PDZRN4: variants seen among roughly 807,000 people sequenced by gnomAD.
PDZRN4 encodes PDZ domain containing ring finger 4.
PDZRN4 carries 70 observed loss-of-function variants against 99.0 expected under a neutral mutation model. That is an observed-to-expected ratio of 0.71 (90% confidence interval 0.58 to 0.86). The LOEUF (loss-of-function observed/expected upper bound fraction) is 0.86, where lower values mean the gene tolerates loss of function less well. PDZRN4 is among the 40% of genes least tolerant of loss of function. The pLI, the probability that PDZRN4 is intolerant of heterozygous loss-of-function variation, is 0.00. For synonymous variants in PDZRN4, 551 were observed against 501.6 expected, an observed-to-expected ratio of 1.10 and a Z score of -1.32; for missense variants, 1,474 against 1,331.2, an observed-to-expected ratio of 1.11 and a Z score of -1.67.
In PDZRN4 at chr12:41,573,077, C is replaced by A; in HGVS notation, c.2298C>A (p.Leu766=). Residue 766 remains leucine (L), a synonymous_variant, in exon 10 of 10, where the codon CTC becomes CTA. Transcript: ENST00000402685. ...PDSSLPRVIN[L]TNKKNLRSTM... ...GTTCCCTTCCAAGGGTGATCAACCTCACCAATAAGAAAAACCTGAGAAGCA... is the reference window on the plus strand; with the variant it reads ...GTTCCCTTCCAAGGGTGATCAACCTAACCAATAAGAAAAACCTGAGAAGCA... 6.2e-7 allele frequency: 1 copy of A among 1,614,104 alleles called. No homozygotes were observed. Among genetic ancestry groups the A allele is most frequent in the Non-Finnish European group, 8.5e-7 (1 of 1,180,002 alleles).
intron 3 of PDZRN4, among the ~76,000 whole-genome samples, chr12:41,311,185 T>A (rs1847736484): frequency 1.3e-5 from 2 of 152,154 alleles, no homozygotes; most frequent in Non-Finnish European, 2.9e-5. Context: ...TTATATAGAT[T>A]CATTTGGTTT....
At chr12:41,557,148 C>CAA (rs112787721) in intron 7 of PDZRN4, among the ~76,000 whole-genome samples, 730 of 57,672 alleles carry the variant, frequency 0.013, 21 homozygotes, top group South Asian at 0.025. Context: ...GAGACACTCT[C>CAA]AAAAAAAAAA....
intron 3 of PDZRN4, among the ~76,000 whole-genome samples, chr12:41,407,725 C>A (rs61924134): frequency 3.6e-3 from 389 of 109,004 alleles, no homozygotes; most frequent in South Asian, 8.7e-3. Flanking sequence ...AAAAAAAAAA[C>A]AAATGGCATA....
chr12:41,230,547 G>T (rs1194593740), intron 3 of PDZRN4, among the ~76,000 whole-genome samples: 1 of 152,036 alleles, frequency 6.6e-6, no homozygotes, highest in Non-Finnish European at 1.5e-5. Flanking sequence ...GTATCCCAAA[G>T]AATTTATCAT....
intron 3 of PDZRN4, among the ~76,000 whole-genome samples, chr12:41,344,081 T>C (rs1951836289): frequency 6.6e-6 from 1 of 152,106 alleles, no homozygotes; most frequent in African/African-American, 2.4e-5. Context: ...TCTTTCTTCA[T>C]GTTAAAGCAG....
chr12:41,330,047 C>T (rs146060992), intron 3 of PDZRN4, among the ~76,000 whole-genome samples: 5 of 152,180 alleles, frequency 3.3e-5, no homozygotes, highest in South Asian at 2.1e-4. Flanking sequence ...AAGAGAAAAG[C>T]TAAATCATTT....
At chr12:41,452,260 T>G (rs1952780995) in intron 3 of PDZRN4, among the ~76,000 whole-genome samples, 1 of 140,736 alleles carries the variant, frequency 7.1e-6, no homozygotes, top group Admixed American at 7.2e-5. Flanking sequence ...AAACCCTGTC[T>G]CTACTAAAAA....
intron 3 of PDZRN4, among the ~76,000 whole-genome samples, chr12:41,375,548 C>A (rs1045135928): frequency 1.3e-5 from 2 of 152,076 alleles, no homozygotes; most frequent in Non-Finnish European, 2.9e-5. Flanking sequence ...ACAAATGAGG[C>A]AATTAAAACC....
chr12:41,547,626 A>C (rs990911926), intron 5 of PDZRN4, among the ~76,000 whole-genome samples: 2 of 152,136 alleles, frequency 1.3e-5, no homozygotes, highest in Admixed American at 6.5e-5. Context: ...CTCTGTCTCA[A>C]AAAAAGAATT....
At chr12:41,440,701 T>A (rs978655848) in intron 3 of PDZRN4, among the ~76,000 whole-genome samples, 4 of 152,208 alleles carry the variant, frequency 2.6e-5, no homozygotes, top group African/African-American at 9.6e-5. Flanking sequence ...AATCTAGGGT[T>A]TGGGTGGACC....
At position 41,573,149 on chromosome 12, in the gene PDZRN4, G is replaced by A. The variant is rs778844493; in HGVS notation, c.2370G>A (p.Ser790=). The A allele has an allele frequency of 1.2e-6, 2 of 1,614,014 alleles. No individual in the cohort carries two copies. Among genetic ancestry groups the A allele is most frequent in the African/African-American group, 1.3e-5 (1 of 74,988 alleles). ...QSSSGQSSKE[S]TSTKAKTTEQ... is the part of the protein sequence containing the mutation. ...CTTCCGGACAGAGCAGTAAAGAGTC[G>A]ACCTCCACCAAAGCCAAAACCACTG... Residue 790 remains serine, a synonymous_variant, in exon 10 of 10, where the codon TCG becomes TCA. Coordinates refer to ENST00000402685, the MANE Select transcript of PDZRN4 (RefSeq NM_001164595.2).
At chr12:41,486,872 G>A (rs1163090643) in intron 3 of PDZRN4, among the ~76,000 whole-genome samples, 1 of 152,076 alleles carries the variant, frequency 6.6e-6, no homozygotes, top group Non-Finnish European at 1.5e-5. Context: ...AAATGTGTCA[G>A]GAATGCTTCC....
chr12:41,377,348 G>T (rs1952089619), intron 3 of PDZRN4, among the ~76,000 whole-genome samples: 1 of 152,136 alleles, frequency 6.6e-6, no homozygotes, highest in South Asian at 2.1e-4. Flanking sequence ...TAATTCTTTT[G>T]ATCCATGAAT....
chr12:41,312,961 G>C (rs1169130597), intron 3 of PDZRN4, among the ~76,000 whole-genome samples: 1 of 152,128 alleles, frequency 6.6e-6, no homozygotes, highest in Non-Finnish European at 1.5e-5. Flanking sequence ...CAGAAACTCT[G>C]ACTGTCCACC....
intron 3 of PDZRN4, among the ~76,000 whole-genome samples, chr12:41,262,010 C>T (rs775038641): frequency 6.6e-6 from 1 of 152,130 alleles, no homozygotes; most frequent in African/African-American, 2.4e-5. Flanking sequence ...GGCTCACTGG[C>T]TCCCCATTAA....
chr12:41,451,545 G>T (rs192416202), intron 3 of PDZRN4, among the ~76,000 whole-genome samples: 2 of 152,270 alleles, frequency 1.3e-5, no homozygotes. Context: ...TCAGGAAGAT[G>T]AAAATATGGT....
intron 3 of PDZRN4, among the ~76,000 whole-genome samples, chr12:41,214,429 C>CAAAAAAAAAAA: frequency 6.2e-5 from 1 of 16,198 alleles, no homozygotes; most frequent in African/African-American, 2.6e-4. Flanking sequence ...ACCCTGTCCC[C>CAAAAAAAAAAA]TAAAAAAAAA....
At chr12:41,191,873 C>T (rs865996892) in intron 2 of PDZRN4, among the ~76,000 whole-genome samples, 9 of 152,134 alleles carry the variant, frequency 5.9e-5, no homozygotes, top group African/African-American at 1.4e-4. Context: ...ACCTCTTCCT[C>T]CTGGGTTCAA....
chr12:41,280,411 G>A (rs1362216164), intron 3 of PDZRN4, among the ~76,000 whole-genome samples: 2 of 152,136 alleles, frequency 1.3e-5, no homozygotes, highest in Non-Finnish European at 2.9e-5. Context: ...GAGCCAAGTA[G>A]TCTTCCTCAG....
Sources: gnomAD v4.1 joint callset for allele counts (sites outside exome capture counted in the v4.1 genomes callset) on GRCh38, gnomAD v4.1.1 for gene constraint, MANE v1.5 for transcripts, NCBI Gene and HGNC (gene_info 2026-07-23, HGNC 2026-07-21) for gene names.